TAF3: variants seen among roughly 807,000 people sequenced by gnomAD.
TAF3 encodes transcription initiation factor TFIID subunit 3.
In TAF3, 7 loss-of-function variants were observed where a neutral mutation model predicts 80.6. The observed-to-expected ratio is 0.09, with a 90% CI of 0.05 to 0.16. The LOEUF (loss-of-function observed/expected upper bound fraction) is 0.16, where lower values mean the gene tolerates loss of function less well. Ranked by LOEUF, TAF3 falls within the 10% of genes least tolerant of loss-of-function variation. The pLI is 1.00. For missense variants in TAF3, 921 were observed against 1,140.2 expected (o/e 0.81, Z 2.77); for synonymous variants, 444 against 446.1 (o/e 1.00, Z 0.06).
chr10:7,819,621 T>A (rs1182663169), intron 1 of TAF3, among the ~76,000 whole-genome samples: 1 of 152,004 alleles, frequency 6.6e-6, no homozygotes, highest in Non-Finnish European at 1.5e-5. Flanking sequence ...GCTAGTGGTA[T>A]TTAATAATTT....
chr10:7,825,804 C>T (rs564774150), intron 2 of TAF3, among the ~76,000 whole-genome samples: 3 of 152,220 alleles, frequency 2.0e-5, no homozygotes, highest in South Asian at 2.1e-4. Context: ...CTATGAACAT[C>T]GATGTGCAAA....
Position 7,845,639 on chromosome 10 carries a change from G to C in TAF3, c.409+21079G>C, listed in dbSNP as rs529905297. ...GTGAATATCTGTGAGTATTATAGCA[G>C]TATCTGATCAGATTTAGAGTGAAGG... On this transcript the variant is annotated intron_variant, in intron 2 of 6. Coordinates refer to ENST00000344293, the MANE Select transcript of TAF3 (RefSeq NM_031923.4). Among the ~76,000 whole-genome samples, 7 of 149,788 alleles carry C rather than the reference G, an allele frequency of 4.7e-5. No homozygotes were observed. The South Asian group carries it at 1.3e-3, about 27-fold the overall frequency.
At chr10:7,867,706 A>G (rs1837226969) in intron 2 of TAF3, among the ~76,000 whole-genome samples, 1 of 152,230 alleles carries the variant, frequency 6.6e-6, no homozygotes, top group Admixed American at 6.5e-5. Flanking sequence ...AGGAAGCAAG[A>G]TTAATGTCTT....
intron 3 of TAF3, among the ~76,000 whole-genome samples, chr10:7,972,249 G>A (rs183871475): frequency 3.9e-4 from 59 of 152,244 alleles, no homozygotes; most frequent in Admixed American, 3.5e-3. Flanking sequence ...TTTTATTTTG[G>A]TGAGCACACA....
chr10:7,870,661 G>A (rs898683062), intron 2 of TAF3, among the ~76,000 whole-genome samples: 7 of 152,052 alleles, frequency 4.6e-5, no homozygotes, highest in Non-Finnish European at 8.8e-5. Context: ...AGGCCTTAAC[G>A]AGCGGCAGAA....
intron 3 of TAF3, among the ~76,000 whole-genome samples, chr10:7,969,779 A>G (rs1831605390): frequency 1.3e-5 from 2 of 152,172 alleles, no homozygotes; most frequent in African/African-American, 4.8e-5. Context: ...GTAGATAAGT[A>G]AGTCCAGTGC....
At chr10:7,822,145 G>T (rs189859406) in intron 1 of TAF3, among the ~76,000 whole-genome samples, 10 of 151,912 alleles carry the variant, frequency 6.6e-5, no homozygotes, top group Non-Finnish European at 1.3e-4. Flanking sequence ...TGTACTGACA[G>T]TGATGTGCAT....
intron 2 of TAF3, among the ~76,000 whole-genome samples, chr10:7,852,221 A>G (rs961648200): frequency 1.3e-5 from 2 of 152,162 alleles, no homozygotes; most frequent in African/African-American, 4.8e-5. Context: ...AAGTGCTGGG[A>G]TTACAGACGC....
intron 2 of TAF3, among the ~76,000 whole-genome samples, chr10:7,878,078 A>C (rs1037536271): frequency 2.0e-5 from 3 of 152,148 alleles, no homozygotes; most frequent in African/African-American, 7.2e-5. Flanking sequence ...GGGAACGGGT[A>C]TTATGCATCT....
chr10:7,992,382 A>G (rs11255473), intron 4 of TAF3, among the ~76,000 whole-genome samples: 53,653 of 152,140 alleles, frequency 0.35, 11,124 homozygotes, highest in Admixed American at 0.49. Flanking sequence ...AGACTTGAAA[A>G]TAGTGAATTT....
intron 2 of TAF3, among the ~76,000 whole-genome samples, chr10:7,902,684 T>C (rs1286190590): frequency 6.6e-6 from 1 of 152,182 alleles, no homozygotes; most frequent in African/African-American, 2.4e-5. Flanking sequence ...ACTTTCTCCC[T>C]TTATAATTAA....
chr10:7,838,369 G>T (rs867261246), intron 2 of TAF3, among the ~76,000 whole-genome samples: 25 of 149,566 alleles, frequency 1.7e-4, no homozygotes, highest in Admixed American at 2.6e-4. Context: ...GTTTTTTTTT[G>T]TTGTTGTTGT....
At chr10:7,941,632 G>GC (rs1837977151) in intron 2 of TAF3, among the ~76,000 whole-genome samples, 1 of 152,240 alleles carries the variant, frequency 6.6e-6, no homozygotes, top group African/African-American at 2.4e-5. Context: ...TTGCTGCGCC[G>GC]ATGCCTTCGA....
At chr10:7,825,550 G>T (rs1836731404) in intron 2 of TAF3, among the ~76,000 whole-genome samples, 1 of 151,908 alleles carries the variant, frequency 6.6e-6, no homozygotes, top group African/African-American at 2.4e-5. Context: ...CTCTGAATTT[G>T]TCTATTCTAG....
At chr10:7,976,249 C>CTT (rs1042340982) in intron 3 of TAF3, among the ~76,000 whole-genome samples, 14 of 139,798 alleles carry the variant, frequency 1.0e-4, no homozygotes, top group African/African-American at 2.6e-4. Flanking sequence ...TTTCTTTTTT[C>CTT]TTTTTTTTTT....
At chr10:7,932,669 ATTT>A (rs34907761) in intron 2 of TAF3, among the ~76,000 whole-genome samples, 5 of 78,802 alleles carry the variant, frequency 6.3e-5, no homozygotes, top group Non-Finnish European at 6.8e-5. Flanking sequence ...GTTCCACTTA[ATTT>A]TTTTTTTTTT....
At chr10:7,818,928 C>T in intron 1 of TAF3, 53 bp downstream of exon 1, 2 of 1,348,056 alleles carry the variant, frequency 1.5e-6, no homozygotes, top group Non-Finnish European at 1.9e-6. Flanking sequence ...AAGGGTGACA[C>T]CTTCGCTCTC....
chr10:7,931,837 C>T (rs1193568234), intron 2 of TAF3, among the ~76,000 whole-genome samples: 2 of 152,140 alleles, frequency 1.3e-5, no homozygotes, highest in Non-Finnish European at 2.9e-5. Context: ...CAGTTCCTAC[C>T]TGCTCAAAGT....
chr10:7,939,095 C>T (rs1016276872), intron 2 of TAF3, among the ~76,000 whole-genome samples: 2 of 152,176 alleles, frequency 1.3e-5, no homozygotes, highest in African/African-American at 4.8e-5. Context: ...AAACAGGGGT[C>T]ATCAGGAACT....
Sources: allele counts gnomAD v4.1 joint callset (sites outside exome capture counted in the v4.1 genomes callset), GRCh38; gene constraint gnomAD v4.1.1; transcripts MANE v1.5; gene names NCBI Gene and HGNC (gene_info 2026-07-23, HGNC 2026-07-21).